Variants in DRC4 observed in about 807,000 individuals in gnomAD.
DRC4 encodes the protein dynein regulatory complex subunit 4, also known as GAS-11.
At chr16:90,037,552 G>A in the DRC4 span, among the ~76,000 whole-genome samples, 1 of 152,160 alleles carries the variant, frequency 6.6e-6, no homozygotes, top group Non-Finnish European at 1.5e-5. Flanking sequence ...TTCTCCTGGG[G>A]AAAGTAAAGT....
At chr16:90,040,181 T>G in the DRC4 span, 3 of 925,440 alleles carry the variant, frequency 3.2e-6, no homozygotes, top group Non-Finnish European at 5.0e-6. Context: ...GCTGTGGGAG[T>G]GGGCACTGTT....
chr16:90,029,265 C>T, the DRC4 span: 13,562 of 1,365,616 alleles, frequency 9.9e-3, 99 homozygotes, highest in Middle Eastern at 0.012. Flanking sequence ...ACTCAGAAGG[C>T]TTCTTCAGGG....
At chr16:90,041,597 A>G in the DRC4 span, among the ~76,000 whole-genome samples, 1 of 152,114 alleles carries the variant, frequency 6.6e-6, no homozygotes, top group Admixed American at 6.5e-5. Context: ...CGAGTTTGGG[A>G]GTTCAAGACC....
At chr16:90,025,389 C>T in the DRC4 span, among the ~76,000 whole-genome samples, 135 of 151,394 alleles carry the variant, frequency 8.9e-4, no homozygotes, top group Middle Eastern at 0.031. Flanking sequence ...CGGTGGCTCA[C>T]GCCTGTAATC....
the DRC4 span, chr16:90,036,671 C>T: frequency 8.5e-7 from 1 of 1,176,474 alleles, no homozygotes; most frequent in East Asian, 2.5e-5. Context: ...CAGACCCCAG[C>T]TCTCCACCCC....
the DRC4 span, among the ~76,000 whole-genome samples, chr16:90,024,140 T>TCA: frequency 1.6e-3 from 227 of 143,924 alleles, 1 homozygote; most frequent in African/African-American, 5.5e-3. Context: ...ACACACACAC[T>TCA]CACACACACA....
chr16:90,031,068 T>A, the DRC4 span: 1 of 908,024 alleles, frequency 1.1e-6, no homozygotes, highest in Non-Finnish European at 1.6e-6. Context: ...GATGAAAGGA[T>A]CTAGTTATTT....
At chr16:90,035,130 C>T in the DRC4 span, among the ~76,000 whole-genome samples, 44 of 152,112 alleles carry the variant, frequency 2.9e-4, no homozygotes, top group African/African-American at 1.0e-3. Flanking sequence ...CTTAAACTCC[C>T]GACCTCAGGT....
At chr16:90,028,173 ATTTTTTTTTTT>A in the DRC4 span, among the ~76,000 whole-genome samples, 9 of 63,836 alleles carry the variant, frequency 1.4e-4, no homozygotes, top group Admixed American at 4.8e-4. Context: ...TTAATCGTTC[ATTTTTTTTTTT>A]TTTTTTTTTT....
the DRC4 span, chr16:90,042,830 C>T: frequency 2.0e-6 from 1 of 512,284 alleles, no homozygotes; most frequent in Non-Finnish European, 3.5e-6. Flanking sequence ...GGTGCTGTGC[C>T]CACCGGGGAA....
the DRC4 span, chr16:90,029,480 C>T: frequency 4.5e-6 from 2 of 448,446 alleles, no homozygotes; most frequent in South Asian, 4.0e-5. Context: ...CCATGTGAGC[C>T]AAACAGACCA....
chr16:90,043,367 G>C, the DRC4 span: 1 of 1,596,944 alleles, frequency 6.3e-7, no homozygotes, highest in Non-Finnish European at 8.5e-7. Context: ...GGGGGCCACA[G>C]CCCAGAGAAC....
chr16:90,044,097 G>A, the DRC4 span: 1 of 448,416 alleles, frequency 2.2e-6, no homozygotes, highest in East Asian at 7.0e-5. Flanking sequence ...GTCTGGGATG[G>A]GGTGAACCTT....
At chr16:90,036,492 C>G in the DRC4 span, 1 of 1,614,158 alleles carries the variant, frequency 6.2e-7, no homozygotes, top group Non-Finnish European at 8.5e-7. Flanking sequence ...CAGATCCACA[C>G]GCTGATGCAG....
chr16:90,040,061 C>T, the DRC4 span: 9 of 560,432 alleles, frequency 1.6e-5, no homozygotes, highest in African/African-American at 1.7e-4. Context: ...TCCAGAGACA[C>T]CTTCCTGAGA....
chr16:90,038,900 G>A, the DRC4 span, among the ~76,000 whole-genome samples: 2 of 152,210 alleles, frequency 1.3e-5, no homozygotes, highest in African/African-American at 4.8e-5. Flanking sequence ...TGTGGTGTGC[G>A]GGGCCAGGGC....
chr16:90,036,652 C>T, the DRC4 span: 598 of 1,439,124 alleles, frequency 4.2e-4, no homozygotes, highest in Non-Finnish European at 5.3e-4. Flanking sequence ...CTGCAGAGTC[C>T]TGGGGATCCA....
the DRC4 span, chr16:90,036,227 C>G: frequency 2.8e-4 from 190 of 682,278 alleles, 3 homozygotes; most frequent in South Asian, 3.0e-3. Flanking sequence ...AAAACTCAGT[C>G]TAAACCCCTT....
At chr16:90,023,237 C>T in the DRC4 span, among the ~76,000 whole-genome samples, 4 of 152,176 alleles carry the variant, frequency 2.6e-5, no homozygotes, top group Non-Finnish European at 5.9e-5. Flanking sequence ...GAGGCCCGGA[C>T]AGGTCCAGTG....
Sources: allele counts gnomAD v4.1 joint callset (sites outside exome capture counted in the v4.1 genomes callset), GRCh38; gene constraint gnomAD v4.1.1; transcripts MANE v1.5; gene names NCBI Gene and HGNC (gene_info 2026-07-23, HGNC 2026-07-21).